ABCC2: variants seen among roughly 807,000 people sequenced by gnomAD.
The protein encoded by ABCC2 is ATP binding cassette subfamily C member 2.
Under a neutral mutation model 173.4 loss-of-function variants are expected in ABCC2, and 157 were observed. The observed-to-expected ratio is 0.91, with a 90% CI of 0.80 to 1.03. The LOEUF is 1.03. Among genes scored for constraint, ABCC2 ranks in the 50% least tolerant of loss-of-function variants. The pLI is 0.00. For synonymous variants in ABCC2, 657 were observed against 693.5 expected (o/e 0.95, Z 0.83); for missense variants, 1,822 against 1,852.3 (o/e 0.98, Z 0.30).
chr10:99,817,563 C>T (rs2038444981), intron 17 of ABCC2, 79 bp downstream of exon 17: 1 of 1,456,730 alleles, frequency 6.9e-7, no homozygotes, highest in East Asian at 2.3e-5. Context: ...AAGAACTACA[C>T]AGGGGTAATC....
chr10:99,814,492 A>C (rs536639132), intron 16 of ABCC2, among the ~76,000 whole-genome samples: 14 of 125,522 alleles, frequency 1.1e-4, no homozygotes, highest in African/African-American at 4.1e-4. Context: ...CATACACACA[A>C]ACATATATGT....
At chr10:99,809,037 C>T (rs2038163994) in intron 13 of ABCC2, among the ~76,000 whole-genome samples, 1 of 152,158 alleles carries the variant, frequency 6.6e-6, no homozygotes, top group Non-Finnish European at 1.5e-5. Flanking sequence ...CCCTGCATTC[C>T]TGGTCCTCAG....
intron 16 of ABCC2, among the ~76,000 whole-genome samples, chr10:99,814,104 C>CATATGTGTGTATAT (rs1564682979): frequency 7.8e-6 from 1 of 128,944 alleles, no homozygotes; most frequent in African/African-American, 2.9e-5. Context: ...TATATATACA[C>CATATGTGTGTATAT]ACATATGTGT....
intron 16 of ABCC2, among the ~76,000 whole-genome samples, chr10:99,814,547 A>T (rs1278841951): frequency 8.8e-6 from 1 of 114,120 alleles, no homozygotes; most frequent in Admixed American, 8.5e-5. Flanking sequence ...ATACACACAC[A>T]TATGTGTATA....
chr10:99,797,222 C>T lies in ABCC2; in HGVS notation c.758C>T (p.Ala253Val). 1 of 1,614,140 alleles carries T rather than the reference C, an allele frequency of 6.2e-7. No individual in the cohort carries two copies. The highest frequency in any genetic ancestry group is 8.5e-7 in the Non-Finnish European group (1 of 1,180,018). ...CACATGAAGAGAGAGCTGCAGAAAG[C>T]CAGGCGGGCACTCCAGAGACGGCAG... ...ETHMKRELQKARRALQRRQEK... is the reference protein window; with the variant it reads ...ETHMKRELQKVRRALQRRQEK... Residue 253 changes from alanine (A) to valine (V), a missense_variant, in exon 7 of 32, where the codon GCC becomes GTC. Transcript: ENST00000647814.
chr10:99,806,077 C>CTCTGTGTGTGTGTGTGTGTG lies in ABCC2; in HGVS notation c.1530+631_1530+632insCTGTGTGTGTGTGTGTGTGT, dbSNP rs10644836. The stretch of plus-strand genomic sequence containing the variant: ...TCTACTACAGTCTCTCTCTCTCTGT[C>CTCTGTGTGTGTGTGTGTGTG]TGTGTGTGTGTGTGTGTGTGTGTGT... On this transcript the variant is annotated intron_variant, in intron 11 of 31. Coordinates refer to ENST00000647814, the MANE Select transcript of ABCC2 (RefSeq NM_000392.5). Among the ~76,000 whole-genome samples, 741 of 148,104 alleles carry CTCTGTGTGTGTGTGTGTGTG rather than the reference C, an allele frequency of 5.0e-3. 8 individuals carry two copies. The highest frequency in any genetic ancestry group is 0.018 in the African/African-American group (702 of 39,772).
At position 99,789,719 on chromosome 10, in the gene ABCC2, A is replaced by G. The variant is rs1247311111; in HGVS notation, c.208-2515A>G. On this transcript the variant is annotated intron_variant, in intron 2 of 31. Coordinates refer to ENST00000647814, the MANE Select transcript of ABCC2 (RefSeq NM_000392.5). ...AGCGAAACTCCGTCTCAAAAAAAAA[A>G]AAAAAAAGAAAAAGGAAAAGAAAAA... 5.4e-5 allele frequency among the ~76,000 whole-genome samples: 8 copies of G among 148,674 alleles called. 1 individual carries two copies. Among genetic ancestry groups the G allele is most frequent in the African/African-American group, 2.0e-4 (8 of 40,208 alleles).
intron 16 of ABCC2, among the ~76,000 whole-genome samples, chr10:99,814,120 C>CACACATATAT (rs1554850429): frequency 4.6e-5 from 6 of 131,670 alleles, no homozygotes; most frequent in Non-Finnish European, 6.5e-5. Context: ...TGTGTATATA[C>CACACATATAT]ACACATATGT....
At chr10:99,816,426 G>T (rs1167046766) in intron 16 of ABCC2, among the ~76,000 whole-genome samples, 4 of 152,146 alleles carry the variant, frequency 2.6e-5, no homozygotes, top group Non-Finnish European at 4.4e-5. Context: ...TGGGATTACA[G>T]ACTTGTGCCA....
At chr10:99,795,016 A>G (rs1590144413) in intron 6 of ABCC2, among the ~76,000 whole-genome samples, 1 of 152,196 alleles carries the variant, frequency 6.6e-6, no homozygotes, top group African/African-American at 2.4e-5. Flanking sequence ...CCCACAGGAG[A>G]AAAGAAAGGA....
intron 25 of ABCC2, among the ~76,000 whole-genome samples, chr10:99,836,831 C>G (rs1380986761): frequency 6.6e-6 from 1 of 152,150 alleles, no homozygotes; most frequent in African/African-American, 2.4e-5. Flanking sequence ...GAGCATTATT[C>G]TCCAGTATCC....
At chr10:99,800,300 A>T (rs976987337) in intron 8 of ABCC2, 86 bp from the exon 9 acceptor site, 12 of 1,392,416 alleles carry the variant, frequency 8.6e-6, no homozygotes, top group Non-Finnish European at 1.2e-5. Context: ...CAGTGTAAAG[A>T]TAGTGTAGTC....
intron 10 of ABCC2, among the ~76,000 whole-genome samples, chr10:99,804,948 C>A (rs2038074885): frequency 6.6e-6 from 1 of 152,114 alleles, no homozygotes; most frequent in African/African-American, 2.4e-5. Context: ...AATATCAGAT[C>A]ATGATAAGTA....
intron 31 of ABCC2, among the ~76,000 whole-genome samples, chr10:99,851,150 T>G (rs188236677): frequency 1.8e-4 from 27 of 152,268 alleles, no homozygotes; most frequent in African/African-American, 6.3e-4. Flanking sequence ...GCCAGAAGCT[T>G]TCTATTCCTT....
intron 31 of ABCC2, 94 bp from the exon 32 acceptor site, chr10:99,851,408 G>A: frequency 1.4e-6 from 2 of 1,460,888 alleles, no homozygotes; most frequent in East Asian, 2.3e-5. Context: ...AGCCTTGTCT[G>A]ACTATACCAC....
chr10:99,828,535 G>C (rs1459674453), intron 19 of ABCC2, among the ~76,000 whole-genome samples: 2 of 152,176 alleles, frequency 1.3e-5, no homozygotes, highest in Non-Finnish European at 2.9e-5. Flanking sequence ...AAGGCCTCTC[G>C]CCTAGTTTCC....
At chr10:99,815,174 G>C (rs10883414) in intron 16 of ABCC2, among the ~76,000 whole-genome samples, 100,382 of 151,606 alleles carry the variant, frequency 0.66, 33,586 homozygotes, top group East Asian at 0.77. Context: ...TCAACTCCCA[G>C]TTATAAGTGA....
rs373384181 is a variant in ABCC2 at position 99,799,374 on chromosome 10, A to G, written c.1031+4A>G. 3.8e-5 allele frequency: 61 copies of G among 1,613,912 alleles called. No homozygotes were observed. Among genetic ancestry groups the G allele is most frequent in the Admixed American group, 3.3e-5 (2 of 59,996 alleles). On this transcript the variant is annotated splice_donor_region_variant and intron_variant, in intron 8 of 31. Transcript: ENST00000647814. ...TTGTGAGTCCTCAGCTGCTGAAGTGAGTCTCCAGGCCTCAGATGGTCCTTT... is the reference window on the plus strand; with the variant it reads ...TTGTGAGTCCTCAGCTGCTGAAGTGGGTCTCCAGGCCTCAGATGGTCCTTT...
At chr10:99,818,995 G>A in intron 18 of ABCC2, 38 bp downstream of exon 18, 1 of 1,612,872 alleles carries the variant, frequency 6.2e-7, no homozygotes, top group Admixed American at 1.7e-5. Flanking sequence ...TATAAAGGTG[G>A]GGTGGGAGGG....
Sources: gnomAD v4.1 joint callset for allele counts (sites outside exome capture counted in the v4.1 genomes callset) on GRCh38, gnomAD v4.1.1 for gene constraint, MANE v1.5 for transcripts, NCBI Gene and HGNC (gene_info 2026-07-23, HGNC 2026-07-21) for gene names.